Variants in SCHIP1 observed in about 807,000 individuals in gnomAD.
The protein encoded by SCHIP1 is schwannomin interacting protein 1, also known as schwannomin-interacting protein 1.
In SCHIP1, 8 loss-of-function variants were observed where a neutral mutation model predicts 29.7. That is an observed-to-expected ratio of 0.27 (90% CI 0.16 to 0.49). The LOEUF is 0.49. Among genes scored for constraint, SCHIP1 ranks in the 20% least tolerant of loss-of-function variants. The pLI, the probability that SCHIP1 is intolerant of heterozygous loss-of-function variation, is 0.99. For synonymous variants in SCHIP1, 76 were observed against 94.9 expected, an observed-to-expected ratio of 0.80 and a Z score of 1.16; for missense variants, 193 against 294.6, an observed-to-expected ratio of 0.66 and a Z score of 2.52.
At chr3:159,826,007 G>A in the SCHIP1 span, among the ~76,000 whole-genome samples, 1 of 152,138 alleles carries the variant, frequency 6.6e-6, no homozygotes, top group Non-Finnish European at 1.5e-5. Flanking sequence ...ATTTTGAGAG[G>A]TGCAAAGAAG....
chr3:159,805,826 T>G, the SCHIP1 span, among the ~76,000 whole-genome samples: 1 of 150,856 alleles, frequency 6.6e-6, no homozygotes, highest in Non-Finnish European at 1.5e-5. Flanking sequence ...TTTTTTTTTT[T>G]GAGAGGGAGT....
chr3:159,682,902 A>G, the SCHIP1 span, among the ~76,000 whole-genome samples: 6,934 of 152,186 alleles, frequency 0.046, 543 homozygotes, highest in African/African-American at 0.16. Flanking sequence ...CTTGATAAGA[A>G]GGGTGAAAGT....
the SCHIP1 span, among the ~76,000 whole-genome samples, chr3:159,540,651 A>G: frequency 6.6e-6 from 1 of 152,136 alleles, no homozygotes; most frequent in Admixed American, 6.6e-5. Context: ...TCCTGGCAAC[A>G]TGACCCATAG....
the SCHIP1 span, among the ~76,000 whole-genome samples, chr3:159,571,596 T>C: frequency 6.6e-6 from 1 of 152,162 alleles, no homozygotes; most frequent in Non-Finnish European, 1.5e-5. Flanking sequence ...TTCTTTTTTG[T>C]TGTGTCTCTG....
rs530184896 is a variant in SCHIP1 at position 159,860,571 on chromosome 3, A to G, written c.31-5592A>G. Among the ~76,000 whole-genome samples the G allele has an allele frequency of 3.9e-5, 6 of 152,348 alleles. No individual in the cohort carries two copies. The South Asian group carries it at 1.2e-3, about 32-fold the overall frequency. On this transcript the variant is annotated intron_variant, in intron 1 of 6. Transcript: ENST00000445224. ...AATTAGTACTGAGACAGTGAGCATTATAAAACAAGTACATCCGATAATTTT... is the reference window on the plus strand; with the variant it reads ...AATTAGTACTGAGACAGTGAGCATTGTAAAACAAGTACATCCGATAATTTT...
the SCHIP1 span, among the ~76,000 whole-genome samples, chr3:159,685,648 A>C: frequency 3.3e-5 from 5 of 152,202 alleles, no homozygotes; most frequent in African/African-American, 1.2e-4. Flanking sequence ...AAAGAGCTTT[A>C]AAAGGAGGAA....
intron 6 of SCHIP1, chr3:159,894,273 G>A (rs1717843819): frequency 6.6e-6 from 1 of 152,254 alleles, no homozygotes; most frequent in Middle Eastern, 3.4e-3. Flanking sequence ...AGCCCTCCCT[G>A]ACCTCCAAAC....
chr3:159,282,478 AT>A, the SCHIP1 span, among the ~76,000 whole-genome samples: 62,172 of 149,772 alleles, frequency 0.42, 13,101 homozygotes, highest in African/African-American at 0.45. Flanking sequence ...AGAATTTTAA[AT>A]TTTTTTTTGG....
the SCHIP1 span, among the ~76,000 whole-genome samples, chr3:159,390,389 G>A: frequency 3.9e-5 from 6 of 152,008 alleles, no homozygotes; most frequent in African/African-American, 1.4e-4. Context: ...TGAACTCTAG[G>A]TTGGGATAAT....
chr3:159,802,731 G>A, the SCHIP1 span, among the ~76,000 whole-genome samples: 42 of 152,164 alleles, frequency 2.8e-4, no homozygotes, highest in Non-Finnish European at 5.1e-4. Flanking sequence ...AGTGGATATA[G>A]CAAAGTATCA....
chr3:159,396,860 G>T, the SCHIP1 span, among the ~76,000 whole-genome samples: 1 of 151,502 alleles, frequency 6.6e-6, no homozygotes, highest in Non-Finnish European at 1.5e-5. Flanking sequence ...GAATCTGAAC[G>T]TTGGCCTGCC....
chr3:159,714,252 TA>T, the SCHIP1 span, among the ~76,000 whole-genome samples: 5 of 151,696 alleles, frequency 3.3e-5, no homozygotes, highest in Non-Finnish European at 7.4e-5. Context: ...TAAAAAATAA[TA>T]AAAAGGAAGG....
At chr3:159,436,716 A>T in the SCHIP1 span, among the ~76,000 whole-genome samples, 1 of 152,180 alleles carries the variant, frequency 6.6e-6, no homozygotes. Flanking sequence ...GGAATTAAAT[A>T]CTGAGAGGGC....
the SCHIP1 span, among the ~76,000 whole-genome samples, chr3:159,788,692 A>G: frequency 6.2e-3 from 951 of 152,330 alleles, 2 homozygotes; most frequent in Non-Finnish European, 9.6e-3. Context: ...ACTACTACAT[A>G]CTAGGCACTG....
chr3:159,712,790 G>A, the SCHIP1 span, among the ~76,000 whole-genome samples: 2 of 149,950 alleles, frequency 1.3e-5, no homozygotes, highest in Non-Finnish European at 3.0e-5. Flanking sequence ...AGAAAGGAAG[G>A]AAGAAAGAGA....
At chr3:159,450,526 A>T in the SCHIP1 span, among the ~76,000 whole-genome samples, 1 of 152,218 alleles carries the variant, frequency 6.6e-6, no homozygotes, top group African/African-American at 2.4e-5. Flanking sequence ...ATTTGATAAC[A>T]CATCTAATAC....
At chr3:159,366,168 T>C in the SCHIP1 span, among the ~76,000 whole-genome samples, 1 of 151,998 alleles carries the variant, frequency 6.6e-6, no homozygotes. Context: ...GGCAAAAGCA[T>C]GAGCAAGAGA....
intron 1 of SCHIP1, among the ~76,000 whole-genome samples, chr3:159,843,408 C>G (rs536002295): frequency 6.6e-6 from 1 of 152,272 alleles, no homozygotes; most frequent in Non-Finnish European, 1.5e-5. Flanking sequence ...CTGGCTCCCT[C>G]ACTCACTTCA....
chr3:159,532,272 T>C, the SCHIP1 span, among the ~76,000 whole-genome samples: 2 of 152,190 alleles, frequency 1.3e-5, no homozygotes, highest in East Asian at 3.8e-4. Flanking sequence ...TGGTAAACAA[T>C]GTTTATTGTT....
Sources: gnomAD v4.1 joint callset for allele counts (sites outside exome capture counted in the v4.1 genomes callset) on GRCh38, gnomAD v4.1.1 for gene constraint, MANE v1.5 for transcripts, NCBI Gene and HGNC (gene_info 2026-07-23, HGNC 2026-07-21) for gene names.